Variants in CARMIL1 observed in about 807,000 individuals in gnomAD.
CARMIL1 encodes F-actin-uncapping protein LRRC16A.
In CARMIL1, 90 loss-of-function variants were observed where a neutral mutation model predicts 177.1. The ratio of observed to expected loss-of-function variants is 0.51; its 90% CI spans 0.43 to 0.61. The LOEUF is 0.61. Ranked by LOEUF, CARMIL1 falls within the 20% of genes least tolerant of loss-of-function variation. The probability of loss-of-function intolerance (pLI) is 0.00; values close to 1 mark genes in which losing one functional copy is unlikely to be tolerated. For synonymous variants in CARMIL1, 577 were observed against 606.2 expected (o/e 0.95, Z 0.71); for missense variants, 1,380 against 1,667.0 (o/e 0.83, Z 3.00).
At chr6:25,581,497 A>G in intron 31 of CARMIL1, 58 bp downstream of exon 31, 1 of 1,477,872 alleles carries the variant, frequency 6.8e-7, no homozygotes, top group Non-Finnish European at 9.1e-7. Context: ...CTCTGGGGAA[A>G]GTTGGAGGGT....
Position 25,450,379 on chromosome 6 carries a change from T to A in CARMIL1, c.510T>A (p.Leu170=). 6.2e-7 allele frequency: 1 copy of A among 1,613,850 alleles called. No homozygotes were observed. Among genetic ancestry groups the A allele is most frequent in the Non-Finnish European group, 8.5e-7 (1 of 1,179,766 alleles). ...TGTATGCCTGTGTTTGTGACTGGCTTGGATTTTCATACAGGGAAGAAGTAC... is the reference window on the plus strand; with the variant it reads ...TGTATGCCTGTGTTTGTGACTGGCTAGGATTTTCATACAGGGAAGAAGTAC... The part of the protein sequence containing the change: ...SQMYACVCDW[L]GFSYREEVQW... The change falls in exon 7 of 37, where the codon CTT becomes CTA. Residue 170 remains leucine, a synonymous_variant. Coordinates refer to ENST00000329474, the MANE Select transcript of CARMIL1 (RefSeq NM_017640.6).
intron 36 of CARMIL1, among the ~76,000 whole-genome samples, chr6:25,614,034 A>G (rs1466216768): frequency 1.3e-5 from 2 of 152,222 alleles, no homozygotes; most frequent in African/African-American, 2.4e-5. Flanking sequence ...TAAACTTCTT[A>G]TGATACACTT....
At chr6:25,330,821 C>G (rs532950040) in intron 2 of CARMIL1, among the ~76,000 whole-genome samples, 2 of 151,346 alleles carry the variant, frequency 1.3e-5, no homozygotes, top group South Asian at 4.2e-4. Flanking sequence ...TTTAGATGCT[C>G]CATTATGGAC....
At chr6:25,563,013 T>C (rs974661841) in intron 29 of CARMIL1, among the ~76,000 whole-genome samples, 2 of 152,246 alleles carry the variant, frequency 1.3e-5, no homozygotes, top group African/African-American at 4.8e-5. Flanking sequence ...ATTTTCTGTG[T>C]GTGTGCATAT....
intron 8 of CARMIL1, chr6:25,465,599 C>T (rs1800531510): frequency 2.6e-6 from 1 of 384,290 alleles, no homozygotes. Context: ...GGTAGGATTT[C>T]TCTCAGAGCA....
intron 25 of CARMIL1, among the ~76,000 whole-genome samples, chr6:25,538,440 A>G (rs899015693): frequency 4.6e-5 from 7 of 152,338 alleles, no homozygotes; most frequent in African/African-American, 1.7e-4. Context: ...GAATCACACA[A>G]TCACTGAATG....
At chr6:25,385,297 T>C (rs1792040661) in intron 2 of CARMIL1, among the ~76,000 whole-genome samples, 1 of 152,192 alleles carries the variant, frequency 6.6e-6, no homozygotes, top group Non-Finnish European at 1.5e-5. Flanking sequence ...GTGACAGAGT[T>C]TGAACTTCAG....
intron 2 of CARMIL1, among the ~76,000 whole-genome samples, chr6:25,290,744 C>T (rs1362959595): frequency 1.3e-5 from 2 of 152,164 alleles, no homozygotes; most frequent in African/African-American, 4.8e-5. Flanking sequence ...AACTGCCCAT[C>T]TGTTGTCCAT....
At chr6:25,373,409 T>C (rs1051398981) in intron 2 of CARMIL1, among the ~76,000 whole-genome samples, 10 of 123,862 alleles carry the variant, frequency 8.1e-5, no homozygotes, top group African/African-American at 2.7e-4. Flanking sequence ...TTTTTTTTTT[T>C]GGTCTGTTCA....
intron 2 of CARMIL1, among the ~76,000 whole-genome samples, chr6:25,312,397 C>T (rs963238625): frequency 6.6e-6 from 1 of 151,604 alleles, no homozygotes; most frequent in African/African-American, 2.4e-5. Context: ...GACATCCTTC[C>T]CCTTGTTCCA....
chr6:25,510,891 T>TA, intron 20 of CARMIL1, 129 bp downstream of exon 20: 1 of 618,270 alleles, frequency 1.6e-6, no homozygotes, highest in Non-Finnish European at 2.8e-6. Context: ...CATTACTTTT[T>TA]AAAAATGGAA....
At chr6:25,387,219 A>G (rs1021171096) in intron 2 of CARMIL1, among the ~76,000 whole-genome samples, 2 of 152,110 alleles carry the variant, frequency 1.3e-5, no homozygotes, top group Non-Finnish European at 2.9e-5. Flanking sequence ...GCATTTTTAA[A>G]TGCTCTGGTT....
chr6:25,604,020 C>T (rs1203167845), intron 33 of CARMIL1, among the ~76,000 whole-genome samples: 1 of 152,168 alleles, frequency 6.6e-6, no homozygotes, highest in Non-Finnish European at 1.5e-5. Context: ...TTCAGGACCC[C>T]TTTCACCTGT....
intron 35 of CARMIL1, among the ~76,000 whole-genome samples, chr6:25,607,640 A>AT (rs1816107184): frequency 6.6e-6 from 1 of 152,190 alleles, no homozygotes; most frequent in Non-Finnish European, 1.5e-5. Flanking sequence ...CATCCTAATA[A>AT]TTTATCAATG....
At chr6:25,448,438 C>T (rs1170692324) in intron 5 of CARMIL1, among the ~76,000 whole-genome samples, 1 of 152,112 alleles carries the variant, frequency 6.6e-6, no homozygotes, top group Non-Finnish European at 1.5e-5. Context: ...GTGTGCTGTT[C>T]CTTTATCTGA....
intron 8 of CARMIL1, among the ~76,000 whole-genome samples, chr6:25,459,272 T>TTCTTTTCTTTTCTTTTCTTTTC (rs1799903268): frequency 1.5e-5 from 2 of 134,894 alleles, no homozygotes; most frequent in African/African-American, 5.4e-5. Context: ...CTTTCTTTTT[T>TTCTTTTCTTTTCTTTTCTTTTC]TTTTTTTTAA....
rs572197795 is a variant in CARMIL1 at position 25,600,801 on chromosome 6, C to T, written c.3552+55C>T. On this transcript the variant is annotated intron_variant, in intron 33 of 36. Transcript: ENST00000329474. ...ATTTATTTGATATATAATAGATGCA[C>T]ACATTTTCATGGTGCATGTGATATT... 199 of 1,377,566 alleles carry T rather than the reference C, an allele frequency of 1.4e-4. No homozygotes were observed. The African/African-American group carries it at 1.6e-3, about 11-fold the overall frequency. The allele number at this position is 1,377,566 out of a possible 1,614,324, so 85.3% of individuals were successfully genotyped here.
At chr6:25,442,556 G>A (rs908178799) in intron 5 of CARMIL1, among the ~76,000 whole-genome samples, 3 of 151,742 alleles carry the variant, frequency 2.0e-5, no homozygotes, top group Non-Finnish European at 4.4e-5. Flanking sequence ...CACTACAGGC[G>A]GAAAACAACT....
intron 24 of CARMIL1, among the ~76,000 whole-genome samples, chr6:25,529,990 T>C (rs969235043): frequency 6.6e-6 from 1 of 151,942 alleles, no homozygotes; most frequent in Non-Finnish European, 1.5e-5. Context: ...AATGGTGAAT[T>C]GACTTAGAAT....
Sources: allele counts gnomAD v4.1 joint callset (sites outside exome capture counted in the v4.1 genomes callset), GRCh38; gene constraint gnomAD v4.1.1; transcripts MANE v1.5; gene names NCBI Gene and HGNC (gene_info 2026-07-23, HGNC 2026-07-21).